Variants in ATCAY observed in about 807,000 individuals in gnomAD.
The protein encoded by ATCAY is caytaxin.
In ATCAY, 22 loss-of-function variants were observed where a neutral mutation model predicts 47.7. The ratio of observed to expected loss-of-function variants is 0.46; its 90% CI spans 0.33 to 0.66. The LOEUF (loss-of-function observed/expected upper bound fraction) is 0.66, where lower values mean the gene tolerates loss of function less well. Among genes scored for constraint, ATCAY ranks in the 30% least tolerant of loss-of-function variants. The pLI, the probability that ATCAY is intolerant of heterozygous loss-of-function variation, is 0.02. For missense variants in ATCAY, 452 were observed against 515.0 expected (o/e 0.88, Z 1.18); for synonymous variants, 216 against 207.6 (o/e 1.04, Z -0.35).
At position 3,924,853 on chromosome 19, in the gene ATCAY, G is replaced by A. The variant is rs556134477; in HGVS notation, c.*261G>A. 16 of 476,482 alleles carry A rather than the reference G, an allele frequency of 3.4e-5. No individual in the cohort carries two copies. The highest frequency in any genetic ancestry group is 5.9e-4 in the Middle Eastern group (1 of 1,692). 29.5% of individuals were successfully genotyped at this position (476,482 alleles called of 1,614,324 possible). A position where few individuals can be genotyped will look rare whatever the true frequency, so the allele number is the denominator to read the frequency against. ...GAGCCCCTCACCCTTCCACACTCAC[G>A]AACTCTCAGCCGAGGAAGGCAAGAA... is the stretch of plus-strand genomic sequence containing the variant. On this transcript the variant is annotated 3_prime_UTR_variant, in exon 13 of 13. Transcript: ENST00000450849.
At chr19:3,912,224 A>G (rs954151276) in intron 8 of ATCAY, among the ~76,000 whole-genome samples, 2 of 152,130 alleles carry the variant, frequency 1.3e-5, no homozygotes, top group African/African-American at 2.4e-5. Flanking sequence ...TGTAATCCCA[A>G]CACTTTGGAA....
intron 7 of ATCAY, among the ~76,000 whole-genome samples, chr19:3,910,601 G>A (rs1013104014): frequency 5.3e-5 from 8 of 152,116 alleles, no homozygotes; most frequent in Middle Eastern, 3.2e-3. Context: ...GAGGGTCTTA[G>A]GGACTCAAAG....
chr19:3,918,589 G>T (rs368358028), intron 10 of ATCAY, among the ~76,000 whole-genome samples: 12 of 151,876 alleles, frequency 7.9e-5, no homozygotes, highest in African/African-American at 2.9e-4. Context: ...CCTTTATCAT[G>T]CCAGGTCCAA....
chr19:3,918,721 C>T, intron 10 of ATCAY, 85 bp from the exon 11 acceptor site: 1 of 1,445,848 alleles, frequency 6.9e-7, no homozygotes, highest in Non-Finnish European at 9.6e-7. Context: ...GACAGGAAAA[C>T]CAGAGAGGCC....
Position 3,907,605 on chromosome 19 carries a change from G to A in ATCAY, c.359-129G>A, listed in dbSNP as rs1254872507. ...GAAAATGGGTCAGCAGGGCAGCCAG[G>A]TGGGGAGAAGCGAAGGACTTGTGGG... On this transcript the variant is annotated intron_variant, in intron 4 of 12. Coordinates refer to ENST00000450849, the MANE Select transcript of ATCAY (RefSeq NM_033064.5). This position sits in a 1 kb window ranked among gnomAD's most constrained non-coding sequence, Gnocchi z 5.1. The A allele has an allele frequency of 4.4e-6, 5 of 1,135,704 alleles. No homozygotes were observed. The East Asian group carries it at 7.7e-5, about 17-fold the overall frequency. 70.4% of individuals were successfully genotyped at this position (1,135,704 alleles called of 1,614,324 possible).
At chr19:3,906,463 C>T (rs547699942) in intron 4 of ATCAY, among the ~76,000 whole-genome samples, 50 of 151,764 alleles carry the variant, frequency 3.3e-4, no homozygotes, top group Middle Eastern at 6.8e-3. Context: ...CTACCACTTC[C>T]GGCTGATGTT....
Position 3,912,760 on chromosome 19 carries a change from C to T in ATCAY, c.867-998C>T, listed in dbSNP as rs185340274. ...AATTAGCCAGGCCTGGTGGCGCGCA[C>T]CTGTGATCCCAGCTACTCAGAGGCT... On this transcript the variant is annotated intron_variant, in intron 8 of 12. Transcript: ENST00000450849. 3.8e-3 allele frequency among the ~76,000 whole-genome samples: 585 copies of T among 151,974 alleles called. 6 individuals carry two copies. The highest frequency in any genetic ancestry group is 0.013 in the African/African-American group (545 of 41,450).
intron 2 of ATCAY, among the ~76,000 whole-genome samples, chr19:3,900,894 T>C (rs1019480149): frequency 7.8e-6 from 1 of 127,462 alleles, no homozygotes; most frequent in African/African-American, 3.1e-5. Flanking sequence ...TTATCCTTCA[T>C]CTTTTTTTTT....
chr19:3,909,415 G>T, intron 6 of ATCAY, 71 bp from the exon 7 acceptor site: 5 of 1,524,102 alleles, frequency 3.3e-6, no homozygotes, highest in South Asian at 1.3e-5. Context: ...GGCAGGCAGG[G>T]TCGGCACCGC....
chr19:3,898,625 T>C (rs1352265192), intron 2 of ATCAY, among the ~76,000 whole-genome samples: 3 of 152,328 alleles, frequency 2.0e-5, no homozygotes, highest in East Asian at 3.9e-4. Flanking sequence ...TAGTATTCCA[T>C]TGAATGGATA....
At position 3,903,193 on chromosome 19, in the gene ATCAY, T is replaced by C. The variant is rs113150535; in HGVS notation, c.136+648T>C. Among the ~76,000 whole-genome samples, 1,438 of 152,118 alleles carry C rather than the reference T, an allele frequency of 9.5e-3. 8 individuals are homozygous for C. The highest frequency in any genetic ancestry group is 0.014 in the Non-Finnish European group (985 of 67,992). ...CTAGCTATGTTGCCCAGGCTGCTCT[T>C]GAACTCCTGGGCTCAAGCCATCTTC... On this transcript the variant is annotated intron_variant, in intron 3 of 12. Transcript: ENST00000450849.
Position 3,926,934 on chromosome 19 carries a change from A to G in ATCAY, c.*2342A>G, listed in dbSNP as rs973606524. 6.6e-6 allele frequency: 1 copy of G among 152,206 alleles called. No homozygotes were observed. The highest frequency in any genetic ancestry group is 2.4e-5 in the African/African-American group (1 of 41,452). 9.4% of individuals were successfully genotyped at this position (152,206 alleles called of 1,614,324 possible). A position where few individuals can be genotyped will look rare whatever the true frequency, so the allele number is the denominator to read the frequency against. On this transcript the variant is annotated 3_prime_UTR_variant, in exon 13 of 13. Transcript: ENST00000450849. ...CTGCCAAAGCCAACACAAGATGACA[A>G]AAGTGGCTGGGTACGGTGGCTCACG...
At chr19:3,924,079 G>T (rs1184438775) in intron 12 of ATCAY, among the ~76,000 whole-genome samples, 1 of 151,252 alleles carries the variant, frequency 6.6e-6, no homozygotes, top group Non-Finnish European at 1.5e-5. Context: ...TGGATGGATG[G>T]TTGAATAGAT....
chr19:3,911,135 T>G (rs554798916), intron 8 of ATCAY, among the ~76,000 whole-genome samples: 1 of 152,258 alleles, frequency 6.6e-6, no homozygotes, highest in East Asian at 1.9e-4. Flanking sequence ...TCCCAGCTAC[T>G]CAGAAGGCTG....
intron 5 of ATCAY, 123 bp downstream of exon 5, chr19:3,908,042 G>T: frequency 7.6e-7 from 1 of 1,323,200 alleles, no homozygotes; most frequent in South Asian, 1.3e-5. Flanking sequence ...TCGGGTGGAC[G>T]GACTGTGGGC....
intron 1 of ATCAY, among the ~76,000 whole-genome samples, 181 bp downstream of exon 1, chr19:3,881,189 C>T (rs2038595494): frequency 6.6e-6 from 1 of 152,108 alleles, no homozygotes; most frequent in East Asian, 1.9e-4. Context: ...GAAAACCGTT[C>T]CCTGAGCTGC....
At chr19:3,887,007 A>T (rs977458065) in intron 2 of ATCAY, among the ~76,000 whole-genome samples, 22 of 152,014 alleles carry the variant, frequency 1.4e-4, no homozygotes, top group African/African-American at 5.3e-4. Flanking sequence ...TTGCAGGGAC[A>T]TCTTGTCTAC....
chr19:3,918,725 A>G (rs2038989606), intron 10 of ATCAY, 81 bp from the exon 11 acceptor site: 1 of 1,462,870 alleles, frequency 6.8e-7, no homozygotes, highest in Non-Finnish European at 9.5e-7. Context: ...GGAAAACCAG[A>G]GAGGCCAGTA....
intron 2 of ATCAY, among the ~76,000 whole-genome samples, chr19:3,899,400 G>A (rs374278043): frequency 1.5e-5 from 2 of 133,188 alleles, no homozygotes; most frequent in African/African-American, 2.9e-5. Flanking sequence ...CGCAACCTCC[G>A]CCTCCAGGGT....
Sources: allele counts gnomAD v4.1 joint callset (sites outside exome capture counted in the v4.1 genomes callset), GRCh38; gene constraint gnomAD v4.1.1; non-coding constraint Gnocchi (gnomAD v3.1); transcripts MANE v1.5; gene names NCBI Gene and HGNC (gene_info 2026-07-23, HGNC 2026-07-21).